TENM3: variants seen among roughly 807,000 people sequenced by gnomAD.
TENM3 encodes teneurin-3.
Under a neutral mutation model 255.1 loss-of-function variants are expected in TENM3, and 63 were observed. The observed-to-expected ratio is 0.25, with a 90% CI of 0.20 to 0.30. The LOEUF is 0.30. Ranked by LOEUF, TENM3 falls within the 10% of genes least tolerant of loss-of-function variation. The probability of loss-of-function intolerance (pLI) is 1.00; values close to 1 mark genes in which losing one functional copy is unlikely to be tolerated. For synonymous variants in TENM3, 1,306 were observed against 1,322.3 expected, an observed-to-expected ratio of 0.99 and a Z score of 0.27; for missense variants, 2,929 against 3,461.1, an observed-to-expected ratio of 0.85 and a Z score of 3.86.
intron 3 of TENM3, among the ~76,000 whole-genome samples, chr4:182,562,299 C>T (rs746348881): frequency 6.6e-6 from 1 of 152,086 alleles, no homozygotes; most frequent in Non-Finnish European, 1.5e-5. Context: ...TTATCCCATC[C>T]TAGGAATGAG....
intron 1 of TENM3, among the ~76,000 whole-genome samples, chr4:182,238,130 C>T (rs1757004409): frequency 1.3e-5 from 2 of 152,140 alleles, no homozygotes; most frequent in African/African-American, 2.4e-5. Flanking sequence ...AAGAAACAGT[C>T]TCAGGGTCTC....
the TENM3 span, among the ~76,000 whole-genome samples, chr4:181,504,323 C>G: frequency 6.6e-6 from 1 of 152,332 alleles, no homozygotes; most frequent in East Asian, 1.9e-4. Context: ...CTTGCCTCGT[C>G]TGCATTTTCC....
chr4:182,379,242 A>AGCTACTC (rs1362401849), intron 3 of TENM3, among the ~76,000 whole-genome samples: 2 of 152,148 alleles, frequency 1.3e-5, no homozygotes, highest in Admixed American at 6.5e-5. Flanking sequence ...CTGTAATCCC[A>AGCTACTC]GCTACTCGGG....
At chr4:181,539,487 T>A in the TENM3 span, among the ~76,000 whole-genome samples, 1,203 of 152,324 alleles carry the variant, frequency 7.9e-3, 14 homozygotes, top group African/African-American at 0.027. Flanking sequence ...TGTCTCTTCA[T>A]AATGAGATGA....
At chr4:182,013,071 A>G in the TENM3 span, among the ~76,000 whole-genome samples, 19 of 152,258 alleles carry the variant, frequency 1.2e-4, no homozygotes, top group East Asian at 3.1e-3. Context: ...TTATATCACA[A>G]TTCTCCACTT....
intron 1 of TENM3, among the ~76,000 whole-genome samples, chr4:182,184,488 G>T (rs1280428478): frequency 3.9e-5 from 4 of 103,722 alleles, no homozygotes; most frequent in African/African-American, 1.5e-4. Context: ...GAGATGCATG[G>T]TTGAGTTTTT....
the TENM3 span, among the ~76,000 whole-genome samples, chr4:181,855,771 T>G: frequency 2.7e-5 from 4 of 150,656 alleles, no homozygotes; most frequent in South Asian, 8.3e-4. Flanking sequence ...GTATATCAAG[T>G]GCTATGAAGA....
At chr4:181,483,467 C>T in the TENM3 span, among the ~76,000 whole-genome samples, 1 of 151,988 alleles carries the variant, frequency 6.6e-6, no homozygotes, top group Non-Finnish European at 1.5e-5. Flanking sequence ...ATCTGCAAGT[C>T]TTAGAAATAA....
chr4:182,696,039 C>T lies in TENM3; in HGVS notation c.2221+7688C>T, dbSNP rs1225393755. ...ACCAGAAAAAGTCTTGTTTATGTGACGTCAAATACTGACATTGCAAATTTA... is the reference window on the plus strand; with the variant it reads ...ACCAGAAAAAGTCTTGTTTATGTGATGTCAAATACTGACATTGCAAATTTA... On this transcript the variant is annotated intron_variant, in intron 12 of 27. Transcript: ENST00000511685. Among the ~76,000 whole-genome samples, 3 of 152,068 alleles carry T rather than the reference C, an allele frequency of 2.0e-5. No individual in the cohort carries two copies. The East Asian group carries it at 5.8e-4, about 29-fold the overall frequency.
intron 3 of TENM3, among the ~76,000 whole-genome samples, chr4:182,396,185 T>G (rs1173064165): frequency 2.0e-5 from 3 of 152,224 alleles, no homozygotes; most frequent in Non-Finnish European, 4.4e-5. Flanking sequence ...AAGTCAGTTA[T>G]TCTGTTGCCT....
the TENM3 span, among the ~76,000 whole-genome samples, chr4:181,653,512 C>T: frequency 2.0e-5 from 3 of 152,022 alleles, no homozygotes; most frequent in Non-Finnish European, 2.9e-5. Context: ...CGGGTTCAAG[C>T]GATTCTCCTG....
chr4:182,353,344 T>G (rs1191764332), intron 3 of TENM3, among the ~76,000 whole-genome samples: 1 of 152,304 alleles, frequency 6.6e-6, no homozygotes, highest in Non-Finnish European at 1.5e-5. Flanking sequence ...AATTTCACTG[T>G]GGGCCCTCTT....
intron 3 of TENM3, among the ~76,000 whole-genome samples, chr4:182,406,400 A>T (rs1286060364): frequency 6.6e-6 from 1 of 152,222 alleles, no homozygotes; most frequent in Non-Finnish European, 1.5e-5. Flanking sequence ...GAGATTAGAA[A>T]AAAGGGACAG....
intron 12 of TENM3, chr4:182,711,454 T>C (rs1439971137): frequency 5.3e-6 from 1 of 190,136 alleles, no homozygotes; most frequent in Non-Finnish European, 9.7e-6. Context: ...CTCTGTCATG[T>C]GATGTGAGTC....
At chr4:182,572,439 A>C (rs1028987265) in intron 3 of TENM3, among the ~76,000 whole-genome samples, 3 of 152,214 alleles carry the variant, frequency 2.0e-5, no homozygotes, top group Non-Finnish European at 4.4e-5. Flanking sequence ...TAGTTTACTG[A>C]GTCACTTACT....
chr4:182,250,815 C>T (rs1757962929), intron 1 of TENM3, among the ~76,000 whole-genome samples: 1 of 152,164 alleles, frequency 6.6e-6, no homozygotes, highest in Admixed American at 6.5e-5. Flanking sequence ...GAAATTCTCA[C>T]GTAGTGCATA....
chr4:181,898,444 T>A, the TENM3 span, among the ~76,000 whole-genome samples: 1 of 152,190 alleles, frequency 6.6e-6, no homozygotes, highest in Non-Finnish European at 1.5e-5. Context: ...TTAAATTTCC[T>A]CTGATTATTA....
the TENM3 span, among the ~76,000 whole-genome samples, chr4:181,682,492 T>A: frequency 3.3e-5 from 5 of 152,160 alleles, no homozygotes; most frequent in Non-Finnish European, 5.9e-5. Flanking sequence ...GACACGGACA[T>A]TTGTGTGAAC....
the TENM3 span, among the ~76,000 whole-genome samples, chr4:181,615,992 T>G: frequency 6.6e-6 from 1 of 152,118 alleles, no homozygotes; most frequent in Non-Finnish European, 1.5e-5. Flanking sequence ...ACATTTGTTT[T>G]GTGGTTATTA....
Sources: allele counts gnomAD v4.1 joint callset (sites outside exome capture counted in the v4.1 genomes callset), GRCh38; gene constraint gnomAD v4.1.1; transcripts MANE v1.5; gene names NCBI Gene and HGNC (gene_info 2026-07-23, HGNC 2026-07-21).